The following CACNA1C variants were observed in gnomAD, a reference collection of about 807,000 sequenced individuals.
The protein encoded by CACNA1C is voltage-dependent L-type calcium channel subunit alpha-1C.
CACNA1C carries 30 observed loss-of-function variants against 229.0 expected under a neutral mutation model. That is an observed-to-expected ratio of 0.13 (90% confidence interval 0.10 to 0.18). The LOEUF (loss-of-function observed/expected upper bound fraction) is 0.18, where lower values mean the gene tolerates loss of function less well. Among genes scored for constraint, CACNA1C ranks in the 10% least tolerant of loss-of-function variants. The probability of loss-of-function intolerance (pLI) is 1.00; values close to 1 mark genes in which losing one functional copy is unlikely to be tolerated. For synonymous variants in CACNA1C, 1,114 were observed against 1,132.5 expected, an observed-to-expected ratio of 0.98 and a Z score of 0.33; for missense variants, 1,658 against 2,845.0, an observed-to-expected ratio of 0.58 and a Z score of 9.49.
At chr12:2,409,399 G>C (rs1419674816) in intron 3 of CACNA1C, among the ~76,000 whole-genome samples, 2 of 152,172 alleles carry the variant, frequency 1.3e-5, no homozygotes, top group South Asian at 4.1e-4. Flanking sequence ...GTTCAGGCTA[G>C]TCAGCTCTGA....
At position 2,679,461 on chromosome 12, in the gene CACNA1C, C is replaced by T. The variant is rs767569416; in HGVS notation, c.5109C>T (p.Phe1703=). Residue 1703 remains phenylalanine (F), a synonymous_variant, in exon 42 of 47, where the codon TTC becomes TTT. Coordinates refer to ENST00000399655, the MANE Select transcript of CACNA1C (RefSeq NM_000719.7). The surrounding 1 kb of genome is among the most constrained non-coding windows in gnomAD (Gnocchi z 5.5). ...DDIFRRAGGL[F]GNHVSYYQSD... ...GCCTACAGAGGGCCGGTGGCCTGTT[C>T]GGCAACCACGTCAGCTACTACCAAA... The T allele has an allele frequency of 4.4e-6, 7 of 1,576,150 alleles. No individual in the cohort carries two copies. The highest frequency in any genetic ancestry group is 2.3e-5 in the East Asian group (1 of 43,814).
chr12:1,982,291 T>A (rs1351296038), intron 1 of CACNA1C, among the ~76,000 whole-genome samples: 1 of 152,168 alleles, frequency 6.6e-6, no homozygotes, highest in Non-Finnish European at 1.5e-5. Flanking sequence ...ATCCACAATA[T>A]TGTGCAACCA....
At chr12:2,369,726 A>G (rs1485589118) in intron 3 of CACNA1C, among the ~76,000 whole-genome samples, 1 of 152,204 alleles carries the variant, frequency 6.6e-6, no homozygotes, top group African/African-American at 2.4e-5. Context: ...TTATACATTT[A>G]GACAAAGCAA....
At chr12:2,086,979 T>G (rs1430334037) in intron 1 of CACNA1C, among the ~76,000 whole-genome samples, 1 of 152,158 alleles carries the variant, frequency 6.6e-6, no homozygotes, top group Non-Finnish European at 1.5e-5. Context: ...ATTCTGGACC[T>G]CGTGATTCCC....
chr12:2,606,299 A>G (rs936327620), intron 24 of CACNA1C, among the ~76,000 whole-genome samples: 16 of 149,204 alleles, frequency 1.1e-4, no homozygotes, highest in Non-Finnish European at 2.4e-4. Flanking sequence ...GCTCCCCTCC[A>G]CTGTGTAAAC....
At chr12:2,450,867 A>C (rs1047848433) in intron 4 of CACNA1C, among the ~76,000 whole-genome samples, 15 of 152,132 alleles carry the variant, frequency 9.9e-5, no homozygotes, top group Non-Finnish European at 1.9e-4. Context: ...TCTCCAGAGC[A>C]CCCGCCGTTC....
intron 4 of CACNA1C, among the ~76,000 whole-genome samples, chr12:2,452,884 C>T (rs1455098048): frequency 1.3e-5 from 2 of 152,160 alleles, no homozygotes; most frequent in Admixed American, 6.5e-5. Context: ...GCAAACTGGT[C>T]TCCATTTCCT....
intron 3 of CACNA1C, among the ~76,000 whole-genome samples, chr12:2,160,656 A>G (rs2095808359): frequency 6.6e-6 from 1 of 152,242 alleles, no homozygotes; most frequent in Non-Finnish European, 1.5e-5. Flanking sequence ...GGATCTCATA[A>G]CAGGCATAAT....
intron 3 of CACNA1C, among the ~76,000 whole-genome samples, chr12:2,266,398 A>C (rs1213049124): frequency 6.6e-6 from 1 of 152,030 alleles, no homozygotes; most frequent in Non-Finnish European, 1.5e-5. Context: ...GCATGCTGCA[A>C]CCTCCAACAC....
Position 2,479,663 on chromosome 12 carries a change from C to T in CACNA1C, c.758-6441C>T, listed in dbSNP as rs191231284. ...CAAGTTAAGGAGCAGCTTTCTAAAA[C>T]TCCATGTCCTGACTCCTGCCCCAGT... On this transcript the variant is annotated intron_variant, in intron 5 of 46. Transcript: ENST00000399655. The surrounding 1 kb of genome is among the most constrained non-coding windows in gnomAD (Gnocchi z 4.3). Among the ~76,000 whole-genome samples, 43 of 152,348 alleles carry T rather than the reference C, an allele frequency of 2.8e-4. No individual in the cohort carries two copies. Among genetic ancestry groups the T allele is most frequent in the African/African-American group, 1.0e-3 (43 of 41,572 alleles).
chr12:2,115,061 C>T (rs189588992), intron 1 of CACNA1C, among the ~76,000 whole-genome samples, 163 bp from the exon 2 acceptor site: 1 of 152,350 alleles, frequency 6.6e-6, no homozygotes, highest in Non-Finnish European at 1.5e-5. Flanking sequence ...TGGCCCTCTT[C>T]CCTCAGCATC....
intron 3 of CACNA1C, among the ~76,000 whole-genome samples, chr12:2,272,739 G>C (rs1179105385): frequency 6.6e-6 from 1 of 152,178 alleles, no homozygotes; most frequent in African/African-American, 2.4e-5. Flanking sequence ...ACAGCAAAAG[G>C]GCTGTGGCCA....
At chr12:2,095,226 A>T (rs191185238) in intron 1 of CACNA1C, among the ~76,000 whole-genome samples, 1 of 152,198 alleles carries the variant, frequency 6.6e-6, no homozygotes, top group African/African-American at 2.4e-5. Flanking sequence ...CTGCACTCCC[A>T]CCTGTCCACT....
upstream of CACNA1C, chr12:2,052,951 C>CG (rs1051200059): frequency 1.5e-5 from 15 of 977,954 alleles, no homozygotes; most frequent in Admixed American, 3.2e-4. Context: ...GGGGCTGGGC[C>CG]GGGGGGAGTG....
chr12:2,330,371 A>G (rs986719736), intron 3 of CACNA1C, among the ~76,000 whole-genome samples: 4 of 152,244 alleles, frequency 2.6e-5, no homozygotes, highest in Non-Finnish European at 5.9e-5. Flanking sequence ...ACAAGTTAAC[A>G]TTAAAAACAA....
rs973774779 is a variant in CACNA1C, at chr12:2,566,819, C to T, written c.1669+237C>T. ...TGACTGGGCCCACACCATCAGCCTG[C>T]CCCAAAGTCACTGTTGGACCCAGGT... is the stretch of plus-strand genomic sequence containing the variant. On this transcript the variant is annotated intron_variant, in intron 12 of 46. Coordinates refer to ENST00000399655, the MANE Select transcript of CACNA1C (RefSeq NM_000719.7). The surrounding 1 kb of genome is among the most constrained non-coding windows in gnomAD (Gnocchi z 4.0). 5.9e-5 allele frequency among the ~76,000 whole-genome samples: 9 copies of T among 152,194 alleles called. No individual in the cohort carries two copies. Among genetic ancestry groups the T allele is most frequent in the African/African-American group, 2.2e-4 (9 of 41,438 alleles).
At position 2,120,413 on chromosome 12, in the gene CACNA1C, G is replaced by A. The variant is rs1064796583; in HGVS notation, c.460G>A (p.Ala154Thr). Reference sequence around the variant, plus strand: ...TCCCTTTCCAGAAGATGATTCCAACGCCACCAATTCCAACCTGGTAAGTCC... The same window carrying A: ...TCCCTTTCCAGAAGATGATTCCAACACCACCAATTCCAACCTGGTAAGTCC... ...YIPFPEDDSNATNSNLERVEY... is the reference protein window; with the variant it reads ...YIPFPEDDSNTTNSNLERVEY... The change falls in exon 3 of 47, where the codon GCC becomes ACC. Residue 154 changes from alanine to threonine, a missense_variant. Ala to Thr is a moderately conservative substitution (Grantham distance 58). Transcript: ENST00000399655. 8.1e-6 allele frequency: 13 copies of A among 1,604,734 alleles called. No homozygotes were observed. The highest frequency in any genetic ancestry group is 4.5e-5 in the East Asian group (2 of 44,864).
chr12:2,161,936 C>T (rs1234107547), intron 3 of CACNA1C, among the ~76,000 whole-genome samples: 1 of 152,196 alleles, frequency 6.6e-6, no homozygotes, highest in Non-Finnish European at 1.5e-5. Context: ...GCACTTAGAA[C>T]CTCCACCAGA....
intron 3 of CACNA1C, among the ~76,000 whole-genome samples, chr12:2,360,340 C>T (rs533521549): frequency 1.3e-4 from 20 of 152,308 alleles, no homozygotes; most frequent in Non-Finnish European, 2.6e-4. Context: ...GGGAGCTGCT[C>T]AGGAGCCCAG....
Sources: gnomAD v4.1 joint callset for allele counts (sites outside exome capture counted in the v4.1 genomes callset) on GRCh38, gnomAD v4.1.1 for gene constraint, Gnocchi (gnomAD v3.1) non-coding constraint, MANE v1.5 for transcripts, NCBI Gene and HGNC (gene_info 2026-07-23, HGNC 2026-07-21) for gene names.